FMNL2: variants seen among roughly 807,000 people sequenced by gnomAD.
FMNL2 encodes the protein formin like 2, also known as formin-like protein 2.
FMNL2 carries 51 observed loss-of-function variants against 130.2 expected under a neutral mutation model. The ratio of observed to expected loss-of-function variants is 0.39; its 90% CI spans 0.31 to 0.49. The LOEUF is 0.49. Ranked by LOEUF, FMNL2 falls within the 20% of genes least tolerant of loss-of-function variation. The probability of loss-of-function intolerance (pLI) is 0.85; values close to 1 mark genes in which losing one functional copy is unlikely to be tolerated. For synonymous variants in FMNL2, 465 were observed against 467.1 expected (o/e 1.00, Z 0.06); for missense variants, 977 against 1,316.2 (o/e 0.74, Z 3.99).
intron 1 of FMNL2, among the ~76,000 whole-genome samples, chr2:152,480,909 T>G (rs769582875): frequency 1.9e-4 from 29 of 152,180 alleles, no homozygotes; most frequent in Admixed American, 6.5e-5. Flanking sequence ...CAAGGACTCA[T>G]TTTTGAGTAC....
intron 1 of FMNL2, among the ~76,000 whole-genome samples, chr2:152,512,626 T>C (rs1008375473): frequency 6.6e-6 from 1 of 152,198 alleles, no homozygotes; most frequent in Non-Finnish European, 1.5e-5. Flanking sequence ...TTTATTTGCA[T>C]TTAAAAAGGA....
intron 4 of FMNL2, among the ~76,000 whole-genome samples, chr2:152,551,871 C>A (rs1558957443): frequency 1.3e-5 from 2 of 152,078 alleles, no homozygotes; most frequent in African/African-American, 2.4e-5. Flanking sequence ...AAAATATTAG[C>A]CAGTCACAAT....
chr2:152,555,059 G>C (rs568843332), intron 4 of FMNL2, among the ~76,000 whole-genome samples: 1 of 152,168 alleles, frequency 6.6e-6, no homozygotes, highest in Non-Finnish European at 1.5e-5. Context: ...CCCCTCCTGA[G>C]TGCACGGAGT....
At chr2:152,374,639 G>C (rs1051695942) in intron 1 of FMNL2, among the ~76,000 whole-genome samples, 2 of 152,202 alleles carry the variant, frequency 1.3e-5, no homozygotes, top group East Asian at 3.8e-4. Context: ...ACATAGACCA[G>C]CTGGGAGGTA....
chr2:152,342,502 G>A (rs1285814638), intron 1 of FMNL2, among the ~76,000 whole-genome samples: 1 of 152,158 alleles, frequency 6.6e-6, no homozygotes, highest in Admixed American at 6.5e-5. Context: ...TGTGTCCCTA[G>A]GCTTTGGAGT....
chr2:152,516,146 G>A (rs1692754657), intron 1 of FMNL2, among the ~76,000 whole-genome samples: 2 of 152,066 alleles, frequency 1.3e-5, no homozygotes, highest in African/African-American at 4.8e-5. Context: ...TCCGGGGAAG[G>A]GAACATGGGG....
intron 24 of FMNL2, among the ~76,000 whole-genome samples, chr2:152,640,344 T>C (rs539396309): frequency 6.6e-6 from 1 of 152,334 alleles, no homozygotes; most frequent in African/African-American, 2.4e-5. Flanking sequence ...ACCAGAGGGC[T>C]TAGCATCCAG....
chr2:152,428,049 C>G (rs1252938473), intron 1 of FMNL2, among the ~76,000 whole-genome samples: 1 of 152,144 alleles, frequency 6.6e-6, no homozygotes, highest in Non-Finnish European at 1.5e-5. Flanking sequence ...GTCACACTGC[C>G]AAATTGCCAC....
At chr2:152,618,789 G>A in intron 13 of FMNL2, 57 bp from the exon 14 acceptor site, 1 of 1,434,486 alleles carries the variant, frequency 7.0e-7, no homozygotes, top group South Asian at 1.5e-5. Context: ...CCAATCTGAT[G>A]CTACTAAGTA....
intron 2 of FMNL2, among the ~76,000 whole-genome samples, chr2:152,540,934 G>A (rs1382380519): frequency 6.6e-6 from 1 of 152,166 alleles, no homozygotes; most frequent in Non-Finnish European, 1.5e-5. Context: ...GGCTTCAGTG[G>A]ACCATGCAGA....
chr2:152,336,125 C>G (rs1315097791), intron 1 of FMNL2, among the ~76,000 whole-genome samples: 1 of 115,684 alleles, frequency 8.6e-6, no homozygotes, highest in East Asian at 6.3e-4. Flanking sequence ...AACAAAACAC[C>G]CTGAGCCCCT....
intron 1 of FMNL2, among the ~76,000 whole-genome samples, chr2:152,487,947 C>T (rs1690928467): frequency 6.6e-6 from 1 of 152,058 alleles, no homozygotes; most frequent in Non-Finnish European, 1.5e-5. Flanking sequence ...ACCACCACAC[C>T]AGCTAATTTT....
rs557275167 is a variant in FMNL2 at position 152,439,391 on chromosome 2, G to T, written c.118-82552G>T. On this transcript the variant is annotated intron_variant, in intron 1 of 25. Transcript: ENST00000288670. The stretch of plus-strand genomic sequence containing the variant: ...TCCCAAGAGAAGACAAGTTTTGTTG[G>T]ATATGTGTGTGTTTTGGTTTTTTAA... Among the ~76,000 whole-genome samples the T allele has an allele frequency of 7.9e-5, 12 of 152,176 alleles. 1 individual carries two copies. In the South Asian group the frequency reaches 2.1e-3, roughly 26 times the overall value.
intron 2 of FMNL2, among the ~76,000 whole-genome samples, chr2:152,537,129 G>A (rs1694033538): frequency 6.6e-6 from 1 of 152,214 alleles, no homozygotes. Flanking sequence ...AAGAACTTAA[G>A]TCTGCCTGCC....
intron 1 of FMNL2, among the ~76,000 whole-genome samples, chr2:152,520,282 G>GT (rs949993413): frequency 4.4e-5 from 4 of 90,002 alleles, no homozygotes; most frequent in African/African-American, 1.6e-4. Context: ...TCAGCTTTGA[G>GT]GGGGGGTGAT....
At chr2:152,618,822 T>C in intron 13 of FMNL2, 24 bp from the exon 14 acceptor site, 2 of 1,557,122 alleles carry the variant, frequency 1.3e-6, no homozygotes, top group Non-Finnish European at 1.7e-6. Context: ...GAAGATAAAC[T>C]CTTGACCTTG....
At chr2:152,567,550 CT>C (rs1166981902) in intron 6 of FMNL2, among the ~76,000 whole-genome samples, 1 of 152,104 alleles carries the variant, frequency 6.6e-6, no homozygotes, top group African/African-American at 2.4e-5. Flanking sequence ...TGCCTGGCCC[CT>C]TTTTTTAGCA....
chr2:152,619,552 G>GCCCC lies in FMNL2; in HGVS notation c.1673_1676dup (p.Pro561SerfsTer21), dbSNP rs1553488328. On this transcript the variant is annotated frameshift_variant, in exon 15 of 26. Coordinates refer to ENST00000288670, the MANE Select transcript of FMNL2 (RefSeq NM_052905.4). LOFTEE classifies it high-confidence loss of function. ...CACCACCTATGCCACCGCCGCCGCC[G>GCCCC]CCCCCTCCTCCACCTCCTCCTCCCC... 16 of 1,417,806 alleles carry GCCCC rather than the reference G, an allele frequency of 1.1e-5. No individual in the cohort carries two copies. The highest frequency in any genetic ancestry group is 3.8e-5 in the South Asian group (3 of 79,036). The allele number at this position is 1,417,806 out of a possible 1,614,324, so 87.8% of individuals were successfully genotyped here.
At chr2:152,485,928 T>G (rs575246845) in intron 1 of FMNL2, among the ~76,000 whole-genome samples, 1 of 152,200 alleles carries the variant, frequency 6.6e-6, no homozygotes, top group Non-Finnish European at 1.5e-5. Flanking sequence ...TGCAGGGACA[T>G]GGGAGGAGCG....
Sources: allele counts gnomAD v4.1 joint callset (sites outside exome capture counted in the v4.1 genomes callset), GRCh38; gene constraint gnomAD v4.1.1; transcripts MANE v1.5; gene names NCBI Gene and HGNC (gene_info 2026-07-23, HGNC 2026-07-21).